Variants in OBSL1 observed in about 807,000 individuals in gnomAD.
The protein encoded by OBSL1 is obscurin like cytoskeletal adaptor 1, also known as obscurin-like protein 1.
In OBSL1, 160 loss-of-function variants were observed where a neutral mutation model predicts 172.0. The ratio of observed to expected loss-of-function variants is 0.93; its 90% CI spans 0.82 to 1.06. The LOEUF is 1.06. Among genes scored for constraint, OBSL1 ranks in the 50% least tolerant of loss-of-function variants. OBSL1 has a pLI of 0.00. For synonymous variants in OBSL1, 1,200 were observed against 1,196.3 expected, an observed-to-expected ratio of 1.00 and a Z score of -0.06; for missense variants, 2,681 against 2,715.4, an observed-to-expected ratio of 0.99 and a Z score of 0.28.
rs559034243 is a variant in OBSL1, at chr2:219,570,876, T to A, written c.357A>T (p.Pro119=). The A allele has an allele frequency of 7.3e-7, 1 of 1,377,936 alleles. No individual in the cohort carries two copies. Among genetic ancestry groups the A allele is most frequent in the African/African-American group, 1.5e-5 (1 of 66,542 alleles). The allele number at this position is 1,377,936 out of a possible 1,614,324, so 85.4% of individuals were successfully genotyped here. A position where few individuals can be genotyped will look rare whatever the true frequency, so the allele number is the denominator to read the frequency against. ...GGGCGCCCTCCCCGGACCCCGGCGA[T>A]GGCAGCGGGCGCTCGGCGGGCTGCA... ...PELQPAERPL[P]SPGSGEGAPV... The change falls in exon 1 of 21, where the codon CCA becomes CCT. Residue 119 remains proline (P), a synonymous_variant. Coordinates refer to ENST00000404537, the MANE Select transcript of OBSL1 (RefSeq NM_015311.3).
intron 6 of OBSL1, among the ~76,000 whole-genome samples, chr2:219,564,039 C>A (rs1254061918): frequency 2.0e-5 from 3 of 152,208 alleles, no homozygotes; most frequent in Non-Finnish European, 4.4e-5. Flanking sequence ...CAAGTGGCAA[C>A]AGTGAGACAG....
At chr2:219,564,877 A>C (rs1696766319) in intron 6 of OBSL1, among the ~76,000 whole-genome samples, 1 of 152,212 alleles carries the variant, frequency 6.6e-6, no homozygotes, top group African/African-American at 2.4e-5. Flanking sequence ...GGGGTGACCT[A>C]ACCAACATAG....
intron 4 of OBSL1, 29 bp downstream of exon 4, chr2:219,567,244 G>C: frequency 6.4e-7 from 1 of 1,572,284 alleles, no homozygotes; most frequent in South Asian, 1.2e-5. Context: ...GAGGAGAAGT[G>C]ATGGGTGGGT....
chr2:219,548,465 G>T (rs1695441681), downstream of OBSL1, among the ~76,000 whole-genome samples: 3 of 152,334 alleles, frequency 2.0e-5, no homozygotes, highest in Admixed American at 6.5e-5. Context: ...GAAGCTATTA[G>T]AGTTAGGGTG....
downstream of OBSL1, chr2:219,549,432 A>G (rs1695485404): frequency 1.3e-6 from 2 of 1,505,604 alleles, no homozygotes; most frequent in Admixed American, 2.1e-5. Context: ...GGCTTTCCCC[A>G]CGGGCTGGTT....
chr2:219,567,768 A>G lies in OBSL1; in HGVS notation c.1484T>C (p.Val495Ala). 2 of 1,613,504 alleles carry G rather than the reference A, an allele frequency of 1.2e-6. No individual in the cohort carries two copies. The highest frequency in any genetic ancestry group is 1.3e-5 in the African/African-American group (1 of 74,910). The change falls in exon 3 of 21, where the codon GTC (valine) becomes GCC (alanine). Residue 495 changes from valine to alanine, a missense_variant. Physicochemically the swap from Val to Ala is moderately conservative, Grantham distance 64 (BLOSUM62 0). Coordinates refer to ENST00000404537, the MANE Select transcript of OBSL1 (RefSeq NM_015311.3). Reference sequence around the variant, plus strand: ...ACGGGAGTTGCCCAGGCTAAAGGTGACCTCGCCAGCATCCTCTCGGGTGAC... The same window carrying G: ...ACGGGAGTTGCCCAGGCTAAAGGTGGCCTCGCCAGCATCCTCTCGGGTGAC... ...PGVTREDAGE[V>A]TFSLGNSRTT...
chr2:219,570,172 C>A, intron 1 of OBSL1, 49 bp downstream of exon 1: 2 of 1,447,114 alleles, frequency 1.4e-6, no homozygotes, highest in Non-Finnish European at 1.8e-6. Flanking sequence ...GTTCGGAGGG[C>A]CTCGGAGGAC....
chr2:219,550,569 G>A (rs1284032566), downstream of OBSL1: 3 of 531,296 alleles, frequency 5.6e-6, no homozygotes, highest in Non-Finnish European at 1.0e-5. Context: ...TTATAAATGT[G>A]CCAAACTGTG....
Position 219,565,634 on chromosome 2 carries a change from AC to A in OBSL1, c.2135-121del, listed in dbSNP as rs201295463. 1,763 of 922,884 alleles carry A rather than the reference AC, an allele frequency of 1.9e-3. 15 individuals are homozygous for A. The African/African-American group carries it at 0.024, about 13-fold the overall frequency. 57.2% of individuals were successfully genotyped at this position (922,884 alleles called of 1,614,324 possible). Reference sequence around the variant, plus strand: ...TTTAAAAATAGGCTTAGGCTTCCACACCAACCCTTAAGAGCAGTGCTTTGGC... The same window carrying A: ...TTTAAAAATAGGCTTAGGCTTCCACACAACCCTTAAGAGCAGTGCTTTGGC... On this transcript the variant is annotated intron_variant, in intron 5 of 20. Transcript: ENST00000404537.
chr2:219,559,378 C>G lies in OBSL1; in HGVS notation c.3073G>C (p.Asp1025His). ...TCGCTCTCCTCCACTTCCAGCCCAT[C>G]CTTGTACCAGCGCACAGGGGCATCC... Reference protein sequence around the residue: ...REDAPVRWYKDGLEVEESEAL... With the variant: ...REDAPVRWYKHGLEVEESEAL... The change falls in exon 9 of 21, where the codon GAT (aspartate) becomes CAT (histidine). Residue 1025 changes from aspartate to histidine, a missense_variant. By Grantham distance (81) the Asp-to-His change is moderately conservative. Around this residue, in one of 5 missense-constraint regions of OBSL1, gnomAD observed 1,765 missense variants for 1,748.3 expected, o/e 1.01. Transcript: ENST00000404537. 1 of 1,614,020 alleles carries G rather than the reference C, an allele frequency of 6.2e-7. No homozygotes were observed.
chr2:219,562,394 G>C lies in OBSL1; in HGVS notation c.2953+8C>G. 6.2e-7 allele frequency: 1 copy of C among 1,612,184 alleles called. No homozygotes were observed. On this transcript the variant is annotated splice_region_variant and intron_variant, in intron 8 of 20. Coordinates refer to ENST00000404537, the MANE Select transcript of OBSL1 (RefSeq NM_015311.3). The stretch of plus-strand genomic sequence containing the variant: ...CTGTGACCCCGGGGAGCTGGGCTGG[G>C]CCCACACCTGTGACGGTGACAGTGA...
rs1695789645 is a variant in OBSL1 at position 219,553,594 on chromosome 2, C to T, written c.4969G>A (p.Ala1657Thr). The change falls in exon 16 of 21, where the codon GCT (alanine) becomes ACT (threonine). Residue 1657 changes from alanine to threonine, a missense_variant. Ala to Thr is a moderately conservative substitution (Grantham distance 58). Coordinates refer to ENST00000404537, the MANE Select transcript of OBSL1 (RefSeq NM_015311.3). ...TFECELSQAL[A>T]DVTWEKDGNA... ...CTGACCTTCTCCCAGGTAACATCAG[C>T]CAAAGCTTGGGAAAGCTCGCACTCG... The T allele has an allele frequency of 6.2e-7, 1 of 1,613,798 alleles. No homozygotes were observed. Among genetic ancestry groups the T allele is most frequent in the African/African-American group, 1.3e-5 (1 of 75,032 alleles).
At position 219,552,203 on chromosome 2, in the gene OBSL1, A is replaced by G. The variant is rs1332359483; in HGVS notation, c.5322T>C (p.Ile1774=). ...VRIRQEGKKH[I]LVLSELRAED... is the part of the protein sequence containing the mutation. ...CGGCGCGCAGCTCGCTAAGCACCAG[A>G]ATGTGTTTCTTCCCTGGGGGTGAGG... The change falls in exon 19 of 21, where the codon ATT becomes ATC. Residue 1774 remains isoleucine, a synonymous_variant. Coordinates refer to ENST00000404537, the MANE Select transcript of OBSL1 (RefSeq NM_015311.3). 1 of 1,606,218 alleles carries G rather than the reference A, an allele frequency of 6.2e-7. No homozygotes were observed. Among genetic ancestry groups the G allele is most frequent in the African/African-American group, 1.3e-5 (1 of 74,966 alleles).
chr2:219,561,813 GGGGAGAGGCAAAAAGCAATGGCA>G, intron 8 of OBSL1: 3 of 713,354 alleles, frequency 4.2e-6, no homozygotes, highest in Non-Finnish European at 7.9e-6. Flanking sequence ...GAAGCAGTCT[GGGGAGAGGCAAAAAGCAATGGCA>G]GGGAGGTGGG....
downstream of OBSL1, chr2:219,547,830 C>T: frequency 6.3e-7 from 1 of 1,590,212 alleles, no homozygotes; most frequent in African/African-American, 1.3e-5. Context: ...GCCCTGCTCA[C>T]TCTGCGCTGG....
Position 219,562,311 on chromosome 2 carries a change from C to T in OBSL1, c.2953+91G>A, listed in dbSNP as rs138508195. 2.4e-3 allele frequency: 3,591 copies of T among 1,491,660 alleles called. 83 individuals are homozygous for T. In the African/African-American group the frequency reaches 0.043, roughly 18 times the overall value. The allele number at this position is 1,491,660 out of a possible 1,614,324, so 92.4% of individuals were successfully genotyped here. A position where few individuals can be genotyped will look rare whatever the true frequency, so the allele number is the denominator to read the frequency against. On this transcript the variant is annotated intron_variant, in intron 8 of 20. Transcript: ENST00000404537. The stretch of plus-strand genomic sequence containing the variant: ...TGCACCTGCAGCCCACACCTCCCTC[C>T]TCCCCGGGGTGCTAGCTGGGGCTAT...
chr2:219,548,557 A>G (rs1269032535), downstream of OBSL1, among the ~76,000 whole-genome samples: 4 of 152,202 alleles, frequency 2.6e-5, no homozygotes, highest in Non-Finnish European at 4.4e-5. Flanking sequence ...GAGCTAGAGA[A>G]GAGGGAACAG....
rs1195288090 is a variant in OBSL1 at position 219,550,829 on chromosome 2, G to A, written c.*6C>T. The A allele has an allele frequency of 6.2e-7, 1 of 1,611,654 alleles. No homozygotes were observed. Among genetic ancestry groups the A allele is most frequent in the Non-Finnish European group, 8.5e-7 (1 of 1,178,984 alleles). On this transcript the variant is annotated 3_prime_UTR_variant, in exon 21 of 21. Coordinates refer to ENST00000404537, the MANE Select transcript of OBSL1 (RefSeq NM_015311.3). The stretch of plus-strand genomic sequence containing the variant: ...AAGGGCACCCGCCTGGCCTGGTTAG[G>A]TTCTCCTAGTTGCCTGCAGAGGAAT...
At chr2:219,552,801 G>A in intron 17 of OBSL1, 67 bp downstream of exon 17, 3 of 1,529,464 alleles carry the variant, frequency 2.0e-6, no homozygotes, top group Non-Finnish European at 2.6e-6. Context: ...ATCAGGGTCC[G>A]GGGAAGACAG....
Sources: gnomAD v4.1 joint callset for allele counts (sites outside exome capture counted in the v4.1 genomes callset) on GRCh38, gnomAD v4.1.1 for gene constraint, gnomAD v4.1.1 regional missense constraint, MANE v1.5 for transcripts, NCBI Gene and HGNC (gene_info 2026-07-23, HGNC 2026-07-21) for gene names.